The following NTM variants were observed in gnomAD, a reference collection of about 807,000 sequenced individuals.
NTM encodes neurotrimin.
In NTM, 13 loss-of-function variants were observed where a neutral mutation model predicts 42.1. The observed-to-expected ratio is 0.31, with a 90% CI of 0.20 to 0.49. NTM has a LOEUF of 0.49. NTM is among the 20% of genes least tolerant of loss of function. The pLI is 0.99. For synonymous variants in NTM, 187 were observed against 179.2 expected (o/e 1.04, Z -0.35); for missense variants, 373 against 452.8 (o/e 0.82, Z 1.60).
At chr11:131,447,964 A>T (rs539462611) in intron 1 of NTM, among the ~76,000 whole-genome samples, 30 of 152,282 alleles carry the variant, frequency 2.0e-4, no homozygotes, top group African/African-American at 7.0e-4. Flanking sequence ...TTTCACATCC[A>T]TTTCTGGTGA....
chr11:131,406,293 A>G (rs1020564647), intron 1 of NTM, among the ~76,000 whole-genome samples: 11 of 152,172 alleles, frequency 7.2e-5, no homozygotes, highest in Non-Finnish European at 1.0e-4. Context: ...CATGAAATAT[A>G]CCTCCTTTCT....
At chr11:131,749,734 G>C (rs932636249) in intron 1 of NTM, among the ~76,000 whole-genome samples, 3 of 152,176 alleles carry the variant, frequency 2.0e-5, no homozygotes, top group African/African-American at 2.4e-5. Flanking sequence ...AAGTAGCTGG[G>C]ATGACAGGTG....
At chr11:132,303,460 G>A (rs746685441) in intron 4 of NTM, among the ~76,000 whole-genome samples, 19 of 152,128 alleles carry the variant, frequency 1.2e-4, no homozygotes, top group East Asian at 1.9e-4. Context: ...ATGTCTGCCC[G>A]AATCCCTTTT....
chr11:131,586,606 C>T (rs147096020), intron 1 of NTM, among the ~76,000 whole-genome samples: 1 of 152,260 alleles, frequency 6.6e-6, no homozygotes, highest in African/African-American at 2.4e-5. Context: ...TAGGAGGAAC[C>T]CTGAGCCAGA....
intron 2 of NTM, among the ~76,000 whole-genome samples, chr11:132,026,426 G>T (rs941684786): frequency 6.6e-6 from 1 of 152,160 alleles, no homozygotes; most frequent in Admixed American, 6.5e-5. Flanking sequence ...TGGCTGTCAG[G>T]TCACTGCCAG....
intron 1 of NTM, among the ~76,000 whole-genome samples, chr11:131,439,458 T>C (rs576752076): frequency 6.6e-6 from 1 of 152,332 alleles, no homozygotes; most frequent in African/African-American, 2.4e-5. Flanking sequence ...TATGGTGGGC[T>C]CCACCCAGTT....
chr11:131,384,479 G>A (rs549960166), intron 1 of NTM, among the ~76,000 whole-genome samples: 15 of 152,218 alleles, frequency 9.9e-5, no homozygotes, highest in Middle Eastern at 3.4e-3. Context: ...TTTGTGGGGC[G>A]GAACAATGGG....
At chr11:131,500,836 G>A (rs1375101974) in intron 1 of NTM, among the ~76,000 whole-genome samples, 1 of 147,908 alleles carries the variant, frequency 6.8e-6, no homozygotes, top group African/African-American at 2.5e-5. Flanking sequence ...AGAACATGCG[G>A]TGTTTGGTTT....
chr11:132,039,144 T>C (rs2076872591), intron 2 of NTM, among the ~76,000 whole-genome samples: 1 of 152,184 alleles, frequency 6.6e-6, no homozygotes, highest in Non-Finnish European at 1.5e-5. Flanking sequence ...TTGAGGTCTG[T>C]GCTCCAACCT....
intron 1 of NTM, among the ~76,000 whole-genome samples, chr11:131,847,616 G>A (rs544175080): frequency 9.2e-5 from 14 of 152,024 alleles, no homozygotes; most frequent in African/African-American, 3.4e-4. Context: ...CACTTGTTCT[G>A]GAATTACAAT....
intron 4 of NTM, among the ~76,000 whole-genome samples, chr11:132,269,909 T>A (rs1038650534): frequency 6.6e-6 from 1 of 152,244 alleles, no homozygotes; most frequent in Non-Finnish European, 1.5e-5. Context: ...ACAAAGACTT[T>A]CAAACATTTT....
chr11:132,165,644 G>A (rs868569838), intron 3 of NTM, among the ~76,000 whole-genome samples: 2 of 152,126 alleles, frequency 1.3e-5, no homozygotes, highest in Non-Finnish European at 2.9e-5. Context: ...CTCAGGGGGG[G>A]TTTAGTCTTG....
chr11:131,978,095 C>G (rs1382198251), intron 2 of NTM, among the ~76,000 whole-genome samples: 1 of 152,064 alleles, frequency 6.6e-6, no homozygotes, highest in Non-Finnish European at 1.5e-5. Flanking sequence ...CTGAGCTGTA[C>G]CTTCTGGAAT....
In NTM at chr11:132,069,539, G is replaced by A. The variant is rs1461791046; in HGVS notation, c.168-76743G>A. ...CTGACCGTCACAGGTTAGTTAACAC[G>A]TCACCCAGCCAAGTTAACACGTCAA... On this transcript the variant is annotated intron_variant, in intron 2 of 8. Transcript: ENST00000683400. Among the ~76,000 whole-genome samples the A allele has an allele frequency of 1.2e-3, 172 of 148,384 alleles. 5 individuals carry two copies. The highest frequency in any genetic ancestry group is 4.1e-3 in the African/African-American group (163 of 39,424).
At chr11:132,095,645 A>G (rs2060885860) in intron 2 of NTM, among the ~76,000 whole-genome samples, 1 of 152,178 alleles carries the variant, frequency 6.6e-6, no homozygotes, top group Non-Finnish European at 1.5e-5. Flanking sequence ...CATGTCCAAA[A>G]AGCTCAGGAC....
chr11:131,413,128 G>A (rs557614611), intron 1 of NTM, among the ~76,000 whole-genome samples: 24 of 152,060 alleles, frequency 1.6e-4, no homozygotes, highest in Non-Finnish European at 3.4e-4. Context: ...AATAGATAAC[G>A]GCTGTTCTTT....
At position 131,687,375 on chromosome 11, in the gene NTM, G is replaced by A. The variant is rs566594090; in HGVS notation, c.83-224189G>A. Reference sequence around the variant, plus strand: ...CAATTGCGGCTTCGGGCAGGGACACGGGACATCAGTGCTGGGTGACTCTAA... The same window carrying A: ...CAATTGCGGCTTCGGGCAGGGACACAGGACATCAGTGCTGGGTGACTCTAA... On this transcript the variant is annotated intron_variant, in intron 1 of 8. Coordinates refer to ENST00000683400, the MANE Select transcript of NTM (RefSeq NM_001352005.2). Among the ~76,000 whole-genome samples the A allele has an allele frequency of 6.6e-5, 10 of 152,218 alleles. No individual in the cohort carries two copies. The East Asian group carries it at 9.7e-4, about 15-fold the overall frequency.
At chr11:132,071,544 A>G (rs1160846639) in intron 2 of NTM, among the ~76,000 whole-genome samples, 1 of 152,244 alleles carries the variant, frequency 6.6e-6, no homozygotes, top group Non-Finnish European at 1.5e-5. Context: ...CAAATGTGGG[A>G]AAAATTAAAG....
chr11:131,637,054 T>C (rs2134184146), intron 1 of NTM, among the ~76,000 whole-genome samples: 1 of 152,272 alleles, frequency 6.6e-6, no homozygotes, highest in Middle Eastern at 3.4e-3. Flanking sequence ...CCCTCTTGTC[T>C]TCTAAATGAA....
Sources: allele counts gnomAD v4.1 joint callset (sites outside exome capture counted in the v4.1 genomes callset), GRCh38; gene constraint gnomAD v4.1.1; transcripts MANE v1.5; gene names NCBI Gene and HGNC (gene_info 2026-07-23, HGNC 2026-07-21).